Variants in KSR1 observed in about 807,000 individuals in gnomAD.
KSR1 encodes kinase suppressor of ras 1.
Under a neutral mutation model 92.9 loss-of-function variants are expected in KSR1, and 35 were observed. The observed-to-expected ratio is 0.38, with a 90% CI of 0.29 to 0.50. The LOEUF (loss-of-function observed/expected upper bound fraction) is 0.50. KSR1 is among the 20% of genes least tolerant of loss of function. The pLI is 0.94. For synonymous variants in KSR1, 467 were observed against 472.6 expected (o/e 0.99, Z 0.15); for missense variants, 972 against 1,158.5 (o/e 0.84, Z 2.34).
rs534678155 is a variant in KSR1 at position 27,586,298 on chromosome 17, A to AG, written c.985+638dup. Among the ~76,000 whole-genome samples the AG allele has an allele frequency of 1.6e-3, 245 of 152,268 alleles. 1 individual carries two copies. Among genetic ancestry groups the AG allele is most frequent in the Non-Finnish European group, 1.4e-3 (96 of 68,024 alleles). On this transcript the variant is annotated intron_variant, in intron 5 of 20. Coordinates refer to ENST00000644974, the MANE Select transcript of KSR1 (RefSeq NM_001394583.1). ...CTCTCTCATGAGTCAGAGCGGAGGGAGACAGCTGTGCCTCTGGAGTCTGCT... is the reference window on the plus strand; with the variant it reads ...CTCTCTCATGAGTCAGAGCGGAGGGAGGACAGCTGTGCCTCTGGAGTCTGCT...
Position 27,623,488 on chromosome 17 carries a change from C to T in KSR1, c.*96C>T, listed in dbSNP as rs2074280088. ...CCACGACAAAAAAACACTGCCTGCC[C>T]AGCGCTGCAAACCAGGAGCACACGT... On this transcript the variant is annotated 3_prime_UTR_variant, in exon 21 of 21. Transcript: ENST00000644974. The T allele has an allele frequency of 5.7e-6, 4 of 700,296 alleles. No homozygotes were observed. Among genetic ancestry groups the T allele is most frequent in the South Asian group, 3.0e-5 (2 of 66,904 alleles). 43.4% of individuals were successfully genotyped at this position (700,296 alleles called of 1,614,324 possible). A position where few individuals can be genotyped will look rare whatever the true frequency, so the allele number is the denominator to read the frequency against.
intron 1 of KSR1, among the ~76,000 whole-genome samples, chr17:27,472,389 C>T (rs1362681659): frequency 2.0e-5 from 3 of 152,236 alleles, no homozygotes; most frequent in African/African-American, 7.2e-5. Context: ...GGCACCATTT[C>T]GTTTGGAGGA....
chr17:27,529,232 A>G (rs2070440410), intron 1 of KSR1, among the ~76,000 whole-genome samples: 2 of 152,192 alleles, frequency 1.3e-5, no homozygotes, highest in African/African-American at 2.4e-5. Context: ...TTAACTTTCT[A>G]GAAGATTATG....
At chr17:27,538,252 T>C (rs947288321) in intron 1 of KSR1, among the ~76,000 whole-genome samples, 3 of 152,220 alleles carry the variant, frequency 2.0e-5, no homozygotes, top group South Asian at 4.1e-4. Context: ...ATTATGTTTC[T>C]CCTACAATGA....
intron 1 of KSR1, among the ~76,000 whole-genome samples, chr17:27,504,830 TAGTGCCA>T (rs2069319044): frequency 6.6e-6 from 1 of 152,206 alleles, no homozygotes; most frequent in African/African-American, 2.4e-5. Flanking sequence ...AATAATGATT[TAGTGCCA>T]GGAGCCGGCT....
chr17:27,587,524 A>G (rs549544523), intron 5 of KSR1: 1 of 152,380 alleles, frequency 6.6e-6, no homozygotes, highest in Non-Finnish European at 1.5e-5. Context: ...TTTCTGGGTC[A>G]CAGGTCACCT....
intron 9 of KSR1, among the ~76,000 whole-genome samples, chr17:27,595,873 G>C (rs1188351093): frequency 6.6e-6 from 1 of 152,056 alleles, no homozygotes; most frequent in Non-Finnish European, 1.5e-5. Flanking sequence ...CCTGAAGCCG[G>C]GATCATGCCA....
chr17:27,600,817 C>T (rs1346551141), intron 10 of KSR1, among the ~76,000 whole-genome samples: 2 of 152,164 alleles, frequency 1.3e-5, no homozygotes, highest in Non-Finnish European at 2.9e-5. Flanking sequence ...AGAGGTTAGC[C>T]AACTCCCTAA....
At chr17:27,499,468 A>G (rs1487778731) in intron 1 of KSR1, among the ~76,000 whole-genome samples, 1 of 152,244 alleles carries the variant, frequency 6.6e-6, no homozygotes, top group African/African-American at 2.4e-5. Context: ...CGTGAATTCC[A>G]GAAACTATAG....
chr17:27,574,680 T>A (rs1006286986), intron 2 of KSR1, among the ~76,000 whole-genome samples: 1 of 152,164 alleles, frequency 6.6e-6, no homozygotes, highest in Non-Finnish European at 1.5e-5. Context: ...TTTTGACGCT[T>A]GAGACAAGGA....
chr17:27,556,219 T>A (rs1020120215), intron 2 of KSR1, among the ~76,000 whole-genome samples: 7 of 152,236 alleles, frequency 4.6e-5, no homozygotes, highest in African/African-American at 1.7e-4. Context: ...GTTATTTATT[T>A]ATTTATATAT....
chr17:27,620,072 T>C (rs979838709), intron 19 of KSR1, among the ~76,000 whole-genome samples: 1 of 152,242 alleles, frequency 6.6e-6, no homozygotes, highest in Non-Finnish European at 1.5e-5. Flanking sequence ...ATGAGTTTTC[T>C]CTCCTGCAGA....
intron 1 of KSR1, among the ~76,000 whole-genome samples, chr17:27,523,121 TC>T (rs1268357238): frequency 6.6e-6 from 1 of 152,210 alleles, no homozygotes; most frequent in Non-Finnish European, 1.5e-5. Flanking sequence ...AAATTTTACT[TC>T]TATTGTCTGT....
chr17:27,503,014 C>T (rs1172215238), intron 1 of KSR1, among the ~76,000 whole-genome samples: 1 of 152,204 alleles, frequency 6.6e-6, no homozygotes, highest in Admixed American at 6.5e-5. Flanking sequence ...GCTGAGTGCT[C>T]TAAAGGCATT....
intron 2 of KSR1, among the ~76,000 whole-genome samples, chr17:27,569,247 A>C (rs1027105752): frequency 5.9e-5 from 9 of 152,186 alleles, no homozygotes; most frequent in Non-Finnish European, 1.2e-4. Context: ...TTTTGGGAGT[A>C]ATTGGGGGAC....
At chr17:27,494,172 G>C (rs1444365833) in intron 1 of KSR1, among the ~76,000 whole-genome samples, 1 of 152,076 alleles carries the variant, frequency 6.6e-6, no homozygotes, top group Non-Finnish European at 1.5e-5. Context: ...ATTACAAAGA[G>C]CTTCCAGGAA....
chr17:27,545,043 C>T (rs2071112181), intron 1 of KSR1, among the ~76,000 whole-genome samples: 1 of 152,232 alleles, frequency 6.6e-6, no homozygotes, highest in South Asian at 2.1e-4. Flanking sequence ...ACCAGACCTG[C>T]CAGTAGCTGG....
intron 1 of KSR1, among the ~76,000 whole-genome samples, chr17:27,518,606 A>G (rs569837634): frequency 1.6e-4 from 25 of 152,258 alleles, no homozygotes; most frequent in African/African-American, 5.1e-4. Flanking sequence ...GGCTCTTGCA[A>G]TCTGGGTCGG....
chr17:27,577,687 G>C lies in KSR1; in HGVS notation c.520+48G>C. The C allele has an allele frequency of 6.9e-7, 1 of 1,450,596 alleles. No homozygotes were observed. The highest frequency in any genetic ancestry group is 1.2e-5 in the South Asian group (1 of 81,966). 89.9% of individuals were successfully genotyped at this position (1,450,596 alleles called of 1,614,324 possible). ...TCCCTTGCCTGGCCTGGTGCCCTTG[G>C]GGCTGTGGCCTTCACTATGGTGGGT... On this transcript the variant is annotated intron_variant, in intron 3 of 20. Coordinates refer to ENST00000644974, the MANE Select transcript of KSR1 (RefSeq NM_001394583.1). This position sits in a 1 kb window ranked among gnomAD's most constrained non-coding sequence, Gnocchi z 4.5.
Sources: allele counts gnomAD v4.1 joint callset (sites outside exome capture counted in the v4.1 genomes callset), GRCh38; gene constraint gnomAD v4.1.1; non-coding constraint Gnocchi (gnomAD v3.1); transcripts MANE v1.5; gene names NCBI Gene and HGNC (gene_info 2026-07-23, HGNC 2026-07-21).